Variants in BCAS4 observed in about 807,000 individuals in gnomAD.
BCAS4 encodes breast carcinoma-amplified sequence 4.
Under a neutral mutation model 15.7 loss-of-function variants are expected in BCAS4, and 9 were observed. The ratio of observed to expected loss-of-function variants is 0.57; its 90% CI spans 0.34 to 1.00. The LOEUF (loss-of-function observed/expected upper bound fraction) is 1.00. BCAS4 is among the 50% of genes least tolerant of loss of function. BCAS4 has a pLI of 0.02. For missense variants in BCAS4, 225 were observed against 239.1 expected (o/e 0.94, Z 0.39); for synonymous variants, 101 against 99.5 (o/e 1.02, Z -0.09).
chr20:50,816,198 G>A (rs1479267308), intron 1 of BCAS4, among the ~76,000 whole-genome samples: 1 of 151,906 alleles, frequency 6.6e-6, no homozygotes. Flanking sequence ...GTTAAATTTT[G>A]TATTTTTAGT....
At chr20:50,805,976 C>CA (rs3068943) in intron 1 of BCAS4, among the ~76,000 whole-genome samples, 317 of 121,814 alleles carry the variant, frequency 2.6e-3, no homozygotes, top group South Asian at 5.3e-3. Context: ...GACTCCATCT[C>CA]AAAAAAAAAA....
intron 1 of BCAS4, among the ~76,000 whole-genome samples, chr20:50,799,162 G>T (rs2087899729): frequency 6.6e-6 from 1 of 152,126 alleles, no homozygotes; most frequent in African/African-American, 2.4e-5. Context: ...ATGTCATTGT[G>T]CCCAGTGGCT....
chr20:50,821,385 C>G (rs1234940245), intron 2 of BCAS4, among the ~76,000 whole-genome samples: 1 of 152,228 alleles, frequency 6.6e-6, no homozygotes, highest in African/African-American at 2.4e-5. Context: ...CCTGCATGGG[C>G]ACGCTGTGCC....
chr20:50,840,703 G>C (rs2088467910), intron 3 of BCAS4: 1 of 1,612,870 alleles, frequency 6.2e-7, no homozygotes, highest in Non-Finnish European at 8.5e-7. Context: ...CTTCAGTTTC[G>C]ACTTATCGAA....
intron 1 of BCAS4, among the ~76,000 whole-genome samples, chr20:50,812,324 G>A (rs1014603382): frequency 1.2e-4 from 18 of 152,010 alleles, no homozygotes; most frequent in East Asian, 5.8e-4. Context: ...TAGTAGAGAC[G>A]GGGTTTCACC....
At chr20:50,857,102 A>G (rs1450517801) in intron 4 of BCAS4, among the ~76,000 whole-genome samples, 1 of 152,250 alleles carries the variant, frequency 6.6e-6, no homozygotes, top group African/African-American at 2.4e-5. Context: ...CCTGTTCAGA[A>G]TGAAATGAGC....
At chr20:50,812,838 C>T (rs2088088462) in intron 1 of BCAS4, among the ~76,000 whole-genome samples, 1 of 151,232 alleles carries the variant, frequency 6.6e-6, no homozygotes, top group Non-Finnish European at 1.5e-5. Flanking sequence ...TTTTTTGAGA[C>T]AGGGTCTTGC....
In BCAS4 at chr20:50,876,545, C is replaced by A. The variant is rs1979959676; in HGVS notation, c.459C>A (p.Asp153Glu). The A allele has an allele frequency of 1.2e-6, 2 of 1,614,126 alleles. No homozygotes were observed. Among genetic ancestry groups the A allele is most frequent in the East Asian group, 4.5e-5 (2 of 44,882 alleles). Reference sequence around the variant, plus strand: ...TGCCCACACTGTATAGGACGGAGGACTATTTTCCTGTGGACGCCGGGGAAG... The same window carrying A: ...TGCCCACACTGTATAGGACGGAGGAATATTTTCCTGTGGACGCCGGGGAAG... ...YELPTLYRTE[D>E]YFPVDAGEAQ... is the part of the protein sequence containing the mutation. The change falls in exon 5 of 5, where the codon GAC (aspartate) becomes GAA (glutamate). Residue 153 changes from aspartate (D) to glutamate (E), a missense_variant. Transcript: ENST00000371608.
chr20:50,829,245 A>G (rs2088314264), intron 2 of BCAS4, among the ~76,000 whole-genome samples: 2 of 151,424 alleles, frequency 1.3e-5, no homozygotes, highest in African/African-American at 4.9e-5. Flanking sequence ...CCAGAATTTT[A>G]TTTTTTTTCT....
At chr20:50,833,266 G>A (rs2088365686) in intron 3 of BCAS4, among the ~76,000 whole-genome samples, 1 of 152,178 alleles carries the variant, frequency 6.6e-6, no homozygotes, top group Non-Finnish European at 1.5e-5. Flanking sequence ...CGAAGAAACT[G>A]GCAGCAGCAG....
In BCAS4 at chr20:50,826,025, A is replaced by G. The variant is rs150802888; in HGVS notation, c.163-4254A>G. Among the ~76,000 whole-genome samples the G allele has an allele frequency of 4.1e-3, 620 of 152,206 alleles. 3 individuals carry two copies. The highest frequency in any genetic ancestry group is 0.014 in the African/African-American group (584 of 41,524). On this transcript the variant is annotated intron_variant, in intron 2 of 4. Transcript: ENST00000371608. ...TTTCTCTGTCTGCTGTAGGTTGCCA[A>G]TCCCAGCCCATACCCCCAAGCTCAT...
chr20:50,843,487 C>A (rs2088507948), intron 4 of BCAS4, among the ~76,000 whole-genome samples: 1 of 152,170 alleles, frequency 6.6e-6, no homozygotes, highest in South Asian at 2.1e-4. Flanking sequence ...ACTTGAAATG[C>A]CTGATAGGGC....
intron 3 of BCAS4, chr20:50,840,633 C>T: frequency 6.2e-7 from 1 of 1,607,190 alleles, no homozygotes; most frequent in Non-Finnish European, 8.5e-7. Context: ...CGCCTGCTTG[C>T]TTCTCCTGTT....
chr20:50,806,704 A>T (rs116189880), intron 1 of BCAS4, among the ~76,000 whole-genome samples: 2,921 of 151,372 alleles, frequency 0.019, 98 homozygotes, highest in African/African-American at 0.068. Flanking sequence ...TATTATTATT[A>T]TTTTTTAATT....
rs558640453 is a variant in BCAS4, at chr20:50,847,190, G to A, written c.399+5290G>A. On this transcript the variant is annotated intron_variant, in intron 4 of 4. Coordinates refer to ENST00000371608, the MANE Select transcript of BCAS4 (RefSeq NM_198799.4). ...CAACCTCCGCTTCCTGGGGTCAAGC[G>A]ATTCTCCTGCCTCAGCCTCCCGAGT... Among the ~76,000 whole-genome samples the A allele has an allele frequency of 2.0e-5, 3 of 152,080 alleles. No individual in the cohort carries two copies. In the South Asian group the frequency reaches 6.2e-4, roughly 32 times the overall value.
chr20:50,841,327 G>A (rs1027964428), intron 3 of BCAS4, among the ~76,000 whole-genome samples: 1 of 152,126 alleles, frequency 6.6e-6, no homozygotes, highest in Non-Finnish European at 1.5e-5. Context: ...TGTCCTTAAC[G>A]TAGATGAAAA....
At chr20:50,833,431 T>C (rs1187275523) in intron 3 of BCAS4, among the ~76,000 whole-genome samples, 1 of 152,218 alleles carries the variant, frequency 6.6e-6, no homozygotes, top group Non-Finnish European at 1.5e-5. Flanking sequence ...GGAAAATTCT[T>C]TGTTGTGGGG....
chr20:50,819,211 C>T (rs2088182301), intron 2 of BCAS4, among the ~76,000 whole-genome samples: 1 of 151,846 alleles, frequency 6.6e-6, no homozygotes. Context: ...AAAGAAATTG[C>T]TTCTAGATCC....
intron 4 of BCAS4, among the ~76,000 whole-genome samples, chr20:50,852,408 G>T (rs1295788998): frequency 6.6e-6 from 1 of 151,702 alleles, no homozygotes; most frequent in African/African-American, 2.4e-5. Flanking sequence ...CTTTTTTATA[G>T]TTACACTCTG....
Sources: gnomAD v4.1 joint callset for allele counts (sites outside exome capture counted in the v4.1 genomes callset) on GRCh38, gnomAD v4.1.1 for gene constraint, MANE v1.5 for transcripts, NCBI Gene and HGNC (gene_info 2026-07-23, HGNC 2026-07-21) for gene names.